EMSY: variants seen among roughly 807,000 people sequenced by gnomAD.
The protein encoded by EMSY is EMSY transcriptional repressor, BRCA2 interacting.
EMSY carries 26 observed loss-of-function variants against 134.6 expected under a neutral mutation model. That is an observed-to-expected ratio of 0.19 (90% CI 0.14 to 0.27). EMSY has a LOEUF of 0.27. EMSY is among the 10% of genes least tolerant of loss of function. EMSY has a pLI of 1.00. For synonymous variants in EMSY, 579 were observed against 577.8 expected (o/e 1.00, Z -0.03); for missense variants, 1,305 against 1,611.4 (o/e 0.81, Z 3.26).
At chr11:76,495,784 TG>T (rs745368098) in intron 8 of EMSY, among the ~76,000 whole-genome samples, 11 of 152,168 alleles carry the variant, frequency 7.2e-5, no homozygotes, top group Non-Finnish European at 1.2e-4. Flanking sequence ...TTAAACTGGC[TG>T]ATTAGAACCT....
chr11:76,462,310 A>T (rs540739873), intron 6 of EMSY, among the ~76,000 whole-genome samples: 25 of 152,366 alleles, frequency 1.6e-4, no homozygotes, highest in Non-Finnish European at 3.1e-4. Context: ...TATTTCATAT[A>T]ATATGTAGTT....
Position 76,448,282 on chromosome 11 carries a change from G to A in EMSY, c.70+1274G>A, listed in dbSNP as rs146499322. Among the ~76,000 whole-genome samples, 103 of 151,952 alleles carry A rather than the reference G, an allele frequency of 6.8e-4. 1 individual carries two copies. The highest frequency in any genetic ancestry group is 2.4e-3 in the African/African-American group (99 of 41,496). On this transcript the variant is annotated intron_variant, in intron 2 of 20. Coordinates refer to ENST00000334736, the Ensembl canonical transcript of EMSY. ...TCACTTTTTAGCAGCATCTTTTAAAGCAAGTCTAAGAGAGTTGTTTTTGGA... is the reference window on the plus strand; with the variant it reads ...TCACTTTTTAGCAGCATCTTTTAAAACAAGTCTAAGAGAGTTGTTTTTGGA...
intron 6 of EMSY, among the ~76,000 whole-genome samples, chr11:76,463,480 G>A (rs1056691153): frequency 5.3e-5 from 8 of 152,044 alleles, no homozygotes; most frequent in South Asian, 2.1e-4. Context: ...AAAATTAGCC[G>A]GGCGCGGTGG....
Position 76,447,027 on chromosome 11 carries a change from G to GT in EMSY, c.70+25dup, listed in dbSNP as rs756997261. The stretch of plus-strand genomic sequence containing the variant: ...AAATTGGGTATGACGTTCATTGTTT[G>GT]TTTTTTACCTCTCTCTGATACCTTT... On this transcript the variant is annotated intron_variant, in intron 2 of 20. Transcript: ENST00000334736. 2 of 1,610,556 alleles carry GT rather than the reference G, an allele frequency of 1.2e-6. No homozygotes were observed. The highest frequency in any genetic ancestry group is 1.7e-6 in the Non-Finnish European group (2 of 1,177,468).
intron 8 of EMSY, among the ~76,000 whole-genome samples, chr11:76,487,361 A>C (rs1216080019): frequency 6.6e-6 from 1 of 152,176 alleles, no homozygotes; most frequent in East Asian, 1.9e-4. Flanking sequence ...ATCAAAACAC[A>C]ATATCATAGG....
chr11:76,520,337 A>T (rs1254190139), intron 11 of EMSY, among the ~76,000 whole-genome samples: 1 of 152,172 alleles, frequency 6.6e-6, no homozygotes, highest in Non-Finnish European at 1.5e-5. Flanking sequence ...ACATTTTAGT[A>T]GGTAAAAATA....
At chr11:76,472,761 A>C (rs946910772) in exon 8 of EMSY, 1 of 1,614,084 alleles carries the variant, frequency 6.2e-7, no homozygotes, top group Non-Finnish European at 8.5e-7. Context: ...GTTCTACACC[A>C]TCACCTATTC....
At chr11:76,543,384 G>A (rs141175874) in intron 18 of EMSY, among the ~76,000 whole-genome samples, 1 of 152,288 alleles carries the variant, frequency 6.6e-6, no homozygotes, top group Non-Finnish European at 1.5e-5. Context: ...AAGGCAGTAG[G>A]GAGGATGGGG....
intron 9 of EMSY, 26 bp from the exon 11 acceptor site, chr11:76,513,360 T>C: frequency 6.2e-7 from 1 of 1,610,054 alleles, no homozygotes; most frequent in Non-Finnish European, 8.5e-7. Flanking sequence ...TAATTTGTGC[T>C]GAGATTTATC....
intron 8 of EMSY, among the ~76,000 whole-genome samples, chr11:76,476,538 G>A (rs1285338260): frequency 6.6e-6 from 1 of 152,066 alleles, no homozygotes; most frequent in Non-Finnish European, 1.5e-5. Flanking sequence ...TGGTTCATTG[G>A]CCAATAAGAT....
intron 11 of EMSY, 47 bp from the exon 13 acceptor site, chr11:76,523,108 A>G (rs754845567): frequency 1.9e-6 from 3 of 1,550,708 alleles, no homozygotes; most frequent in South Asian, 1.2e-5. Flanking sequence ...ATAACCAAGT[A>G]TCTCTAGTCC....
chr11:76,451,668 G>A (rs188750302), intron 2 of EMSY, among the ~76,000 whole-genome samples, 190 bp from the exon 3 acceptor site: 1 of 152,026 alleles, frequency 6.6e-6, no homozygotes, highest in Non-Finnish European at 1.5e-5. Context: ...CTTCTGTGAG[G>A]CAATGAAAAA....
At chr11:76,526,894 T>C (rs1950864615) in intron 13 of EMSY, among the ~76,000 whole-genome samples, 1 of 152,194 alleles carries the variant, frequency 6.6e-6, no homozygotes, top group South Asian at 2.1e-4. Flanking sequence ...TACAATTTGC[T>C]GAAGGTGTAT....
intron 15 of EMSY, 147 bp from the exon 17 acceptor site, chr11:76,537,648 A>G (rs1951273905): frequency 4.6e-6 from 3 of 657,790 alleles, no homozygotes; most frequent in Admixed American, 3.3e-5. Context: ...ATACATAGCA[A>G]TCTGCTTTTT....
chr11:76,485,513 C>G (rs528455658), intron 8 of EMSY, among the ~76,000 whole-genome samples: 3 of 152,300 alleles, frequency 2.0e-5, no homozygotes, highest in African/African-American at 7.2e-5. Flanking sequence ...ATGCTTGAAA[C>G]TCTCAATAAA....
chr11:76,539,712 T>G, intron 17 of EMSY, 72 bp downstream of exon 18: 1 of 1,387,914 alleles, frequency 7.2e-7, no homozygotes, highest in Admixed American at 1.7e-5. Flanking sequence ...ACCGCTTAAA[T>G]GGATGCGCTC....
At chr11:76,487,047 G>A (rs900662337) in intron 8 of EMSY, among the ~76,000 whole-genome samples, 1 of 152,222 alleles carries the variant, frequency 6.6e-6, no homozygotes, top group Non-Finnish European at 1.5e-5. Context: ...GGAGGCTGAG[G>A]CAGGCGGATC....
At chr11:76,504,749 A>C (rs1314444431) in intron 9 of EMSY, among the ~76,000 whole-genome samples, 1 of 152,254 alleles carries the variant, frequency 6.6e-6, no homozygotes, top group East Asian at 1.9e-4. Flanking sequence ...TATTCGTAAT[A>C]GCCAATAGGT....
chr11:76,463,742 A>T (rs1948235255), intron 6 of EMSY, 79 bp from the exon 8 acceptor site: 2 of 1,463,606 alleles, frequency 1.4e-6, no homozygotes, highest in Non-Finnish European at 1.9e-6. Flanking sequence ...GACAAGGATG[A>T]TATAAAGATT....
Sources: allele counts gnomAD v4.1 joint callset (sites outside exome capture counted in the v4.1 genomes callset), GRCh38; gene constraint gnomAD v4.1.1; transcripts MANE v1.5; gene names NCBI Gene and HGNC (gene_info 2026-07-23, HGNC 2026-07-21).